ZNRF3: variants seen among roughly 807,000 people sequenced by gnomAD.
ZNRF3 encodes the protein zinc and ring finger 3.
In ZNRF3, 23 loss-of-function variants were observed where a neutral mutation model predicts 72.5. The ratio of observed to expected loss-of-function variants is 0.32; its 90% CI spans 0.23 to 0.45. The LOEUF (loss-of-function observed/expected upper bound fraction) is 0.45, where lower values mean the gene tolerates loss of function less well. Among genes scored for constraint, ZNRF3 ranks in the 20% least tolerant of loss-of-function variants. The pLI, the probability that ZNRF3 is intolerant of heterozygous loss-of-function variation, is 1.00. For synonymous variants in ZNRF3, 610 were observed against 545.3 expected (o/e 1.12, Z -1.65); for missense variants, 1,169 against 1,272.1 (o/e 0.92, Z 1.23).
At chr22:28,892,792 G>A (rs1308706319) in intron 1 of ZNRF3, among the ~76,000 whole-genome samples, 4 of 152,160 alleles carry the variant, frequency 2.6e-5, no homozygotes, top group Non-Finnish European at 4.4e-5. Context: ...CTGTGAAAAC[G>A]AAGTTTGATC....
intron 1 of ZNRF3, among the ~76,000 whole-genome samples, chr22:28,937,173 TAATATATATATA>T (rs1569252371): frequency 2.1e-5 from 2 of 95,516 alleles, no homozygotes; most frequent in Non-Finnish European, 3.7e-5. Context: ...TTCTCTCTTA[TAATATATATATA>T]TATATATATA....
At chr22:28,963,713 C>G (rs1244783586) in intron 1 of ZNRF3, among the ~76,000 whole-genome samples, 1 of 152,202 alleles carries the variant, frequency 6.6e-6, no homozygotes. Flanking sequence ...TTAGCACAAG[C>G]TAGGACAGTT....
chr22:28,932,975 G>A (rs535899978), intron 1 of ZNRF3, among the ~76,000 whole-genome samples: 27 of 152,240 alleles, frequency 1.8e-4, no homozygotes, highest in African/African-American at 5.8e-4. Context: ...AGAGCAAAAC[G>A]GCTAATTATA....
intron 2 of ZNRF3, among the ~76,000 whole-genome samples, chr22:28,989,187 G>T (rs1412416078): frequency 6.6e-6 from 1 of 152,192 alleles, no homozygotes; most frequent in African/African-American, 2.4e-5. Flanking sequence ...CTCTGGAGAG[G>T]CTGGTGGCGG....
intron 2 of ZNRF3, among the ~76,000 whole-genome samples, chr22:28,999,368 C>T (rs953996958): frequency 6.6e-6 from 1 of 151,856 alleles, no homozygotes; most frequent in Non-Finnish European, 1.5e-5. Context: ...ATTAGCTGGG[C>T]ATGGTTAGCT....
intron 2 of ZNRF3, among the ~76,000 whole-genome samples, chr22:29,011,782 G>C (rs970357477): frequency 6.6e-6 from 1 of 152,210 alleles, no homozygotes. Flanking sequence ...AAATCCTCCC[G>C]CTGGGGAATG....
intron 2 of ZNRF3, among the ~76,000 whole-genome samples, chr22:29,012,362 A>G (rs943798851): frequency 6.6e-6 from 1 of 152,224 alleles, no homozygotes; most frequent in Non-Finnish European, 1.5e-5. Flanking sequence ...TTAGTTCTCA[A>G]AACATCCAGA....
rs1262126698 is a variant in ZNRF3, at chr22:29,049,951, C to T, written c.1770C>T (p.Leu590=). ...GCTGCTCCACCTTCCGCAGCTCCCT[C>T]AGCAGCGACTATGACCCCTTCATCT... ...YGSCSTFRSS[L]SSDYDPFIYR... Residue 590 remains leucine, a synonymous_variant, in exon 8 of 9, where the codon CTC becomes CTT. Transcript: ENST00000544604. This position sits in a 1 kb window ranked among gnomAD's most constrained non-coding sequence, Gnocchi z 5.2. The T allele has an allele frequency of 6.2e-7, 1 of 1,611,694 alleles. No individual in the cohort carries two copies. The highest frequency in any genetic ancestry group is 8.5e-7 in the Non-Finnish European group (1 of 1,179,534).
chr22:28,919,632 G>A (rs533975770), intron 1 of ZNRF3, among the ~76,000 whole-genome samples: 58 of 149,516 alleles, frequency 3.9e-4, no homozygotes, highest in Middle Eastern at 3.7e-3. Flanking sequence ...TCAGCCTCCC[G>A]AGTAGCTGGG....
At chr22:28,976,130 C>T (rs1161633135) in intron 1 of ZNRF3, among the ~76,000 whole-genome samples, 1 of 152,086 alleles carries the variant, frequency 6.6e-6, no homozygotes, top group Non-Finnish European at 1.5e-5. Flanking sequence ...ACTAATTTTC[C>T]TAAAGGAATT....
At chr22:28,981,069 C>T (rs766511688) in intron 1 of ZNRF3, among the ~76,000 whole-genome samples, 2 of 152,226 alleles carry the variant, frequency 1.3e-5, no homozygotes, top group African/African-American at 2.4e-5. Flanking sequence ...ATGCTTAACA[C>T]CATACACGGA....
At chr22:29,051,603 TAAAAAAAAAAA>T (rs1212194016) in intron 8 of ZNRF3, among the ~76,000 whole-genome samples, 1 of 105,024 alleles carries the variant, frequency 9.5e-6, no homozygotes, top group Non-Finnish European at 2.0e-5. Context: ...GACTCTGTCT[TAAAAAAAAAAA>T]AAAAAAAAAA....
chr22:28,917,268 AACACAC>A (rs10533572), intron 1 of ZNRF3: 23,188 of 171,222 alleles, frequency 0.14, 2,057 homozygotes, highest in East Asian at 0.35. Flanking sequence ...TTGGGGATAA[AACACAC>A]ACACACACAC....
chr22:29,004,107 G>A (rs768270487), intron 2 of ZNRF3, among the ~76,000 whole-genome samples: 2 of 152,228 alleles, frequency 1.3e-5, no homozygotes, highest in Non-Finnish European at 2.9e-5. Context: ...CTCAAGAGAC[G>A]CTGGTCAGGG....
At chr22:28,937,196 TATATATATATATATATATA>T (rs1176065359) in intron 1 of ZNRF3, among the ~76,000 whole-genome samples, 76 of 3,066 alleles carry the variant, frequency 0.025, 2 homozygotes, top group East Asian at 0.14. Context: ...TATATATATA[TATATATATATATATATATA>T]TTTTTTTTTT....
Position 29,049,135 on chromosome 22 carries a change from CT to C in ZNRF3, c.1016-59del, listed in dbSNP as rs2123886763. The C allele has an allele frequency of 2.7e-6, 4 of 1,507,340 alleles. No homozygotes were observed. The highest frequency in any genetic ancestry group is 3.6e-6 in the Non-Finnish European group (4 of 1,122,260). The allele number at this position is 1,507,340 out of a possible 1,614,324, so 93.4% of individuals were successfully genotyped here. A position where few individuals can be genotyped will look rare whatever the true frequency, so the allele number is the denominator to read the frequency against. On this transcript the variant is annotated intron_variant, in intron 7 of 8. Coordinates refer to ENST00000544604, the MANE Select transcript of ZNRF3 (RefSeq NM_001206998.2). The surrounding 1 kb of genome is among the most constrained non-coding windows in gnomAD (Gnocchi z 5.2). ...CAGCCTTTGCCCGTTTTAAAAATCC[CT>C]TTAGCCTCTGACACCAGTATGCTCA...
At chr22:28,993,767 C>T (rs2035995934) in intron 2 of ZNRF3, among the ~76,000 whole-genome samples, 1 of 152,230 alleles carries the variant, frequency 6.6e-6, no homozygotes. Flanking sequence ...ACTTCAGCCT[C>T]AAACTCCCGG....
intron 2 of ZNRF3, among the ~76,000 whole-genome samples, chr22:28,999,706 G>T (rs548522071): frequency 6.6e-6 from 1 of 152,200 alleles, no homozygotes; most frequent in Non-Finnish European, 1.5e-5. Flanking sequence ...GGTTGCTGGG[G>T]CTACCATGAC....
chr22:29,033,432 G>A (rs542017315), intron 2 of ZNRF3, among the ~76,000 whole-genome samples: 2 of 151,934 alleles, frequency 1.3e-5, no homozygotes, highest in African/African-American at 4.8e-5. Flanking sequence ...TAAGCAGGAG[G>A]AGGTCACATC....
Sources: allele counts gnomAD v4.1 joint callset (sites outside exome capture counted in the v4.1 genomes callset), GRCh38; gene constraint gnomAD v4.1.1; non-coding constraint Gnocchi (gnomAD v3.1); transcripts MANE v1.5; gene names NCBI Gene and HGNC (gene_info 2026-07-23, HGNC 2026-07-21).